The following NYAP2 variants were observed in gnomAD, a reference collection of about 807,000 sequenced individuals.
NYAP2 encodes neuronal tyrosine-phosphorylated phosphoinositide-3-kinase adaptor 2.
NYAP2 carries 23 observed loss-of-function variants against 50.4 expected under a neutral mutation model. That is an observed-to-expected ratio of 0.46 (90% CI 0.33 to 0.65). NYAP2 has a LOEUF of 0.65. Ranked by LOEUF, NYAP2 falls within the 30% of genes least tolerant of loss-of-function variation. NYAP2 has a pLI of 0.02. For synonymous variants in NYAP2, 394 were observed against 365.2 expected, an observed-to-expected ratio of 1.08 and a Z score of -0.90; for missense variants, 885 against 861.0, an observed-to-expected ratio of 1.03 and a Z score of -0.35.
intron 3 of NYAP2, among the ~76,000 whole-genome samples, chr2:225,500,771 G>A (rs1392736961): frequency 6.6e-6 from 1 of 152,102 alleles, no homozygotes; most frequent in Non-Finnish European, 1.5e-5. Flanking sequence ...TCTGCTAGAA[G>A]GTCAATGAAT....
At chr2:225,456,817 G>A (rs907307389) in intron 3 of NYAP2, among the ~76,000 whole-genome samples, 1 of 152,100 alleles carries the variant, frequency 6.6e-6, no homozygotes, top group African/African-American at 2.4e-5. Context: ...TTCCCTATCT[G>A]AGTGCACCTA....
chr2:225,528,738 T>C (rs1371922274), intron 4 of NYAP2, among the ~76,000 whole-genome samples: 1 of 152,176 alleles, frequency 6.6e-6, no homozygotes, highest in Non-Finnish European at 1.5e-5. Context: ...TCCCAGTGCT[T>C]TCACCTGTGA....
chr2:225,425,516 T>A (rs946812308), intron 3 of NYAP2, among the ~76,000 whole-genome samples: 1 of 152,206 alleles, frequency 6.6e-6, no homozygotes, highest in Non-Finnish European at 1.5e-5. Flanking sequence ...GCTAATTTCA[T>A]GCTGCAATTA....
At chr2:225,606,749 C>T (rs1448548515) in intron 5 of NYAP2, among the ~76,000 whole-genome samples, 1 of 152,110 alleles carries the variant, frequency 6.6e-6, no homozygotes, top group Non-Finnish European at 1.5e-5. Flanking sequence ...CTTTAGTAAT[C>T]AGAGATTCAA....
Position 225,512,852 on chromosome 2 carries a change from T to C in NYAP2, c.222-519T>C, listed in dbSNP as rs866748505. ...CTCTCTCTCTCTTTCTTTCTTTCTT[T>C]CTTCCTTCCTTCCTTCCTTCCTTCC... On this transcript the variant is annotated intron_variant, in intron 3 of 6. Transcript: ENST00000636099. 4.7e-3 allele frequency among the ~76,000 whole-genome samples: 582 copies of C among 123,556 alleles called. 5 individuals carry two copies. Among genetic ancestry groups the C allele is most frequent in the South Asian group, 8.6e-3 (31 of 3,618 alleles). 81.1% of individuals were successfully genotyped at this position (123,556 alleles called of 152,430 possible). A position where few individuals can be genotyped will look rare whatever the true frequency, so the allele number is the denominator to read the frequency against.
chr2:225,659,185 G>A, the NYAP2 span, among the ~76,000 whole-genome samples: 8 of 152,148 alleles, frequency 5.3e-5, no homozygotes, highest in Non-Finnish European at 1.0e-4. Context: ...CTCTGCTGTC[G>A]CTGGTACCTG....
intron 3 of NYAP2, among the ~76,000 whole-genome samples, chr2:225,451,975 C>T (rs569698479): frequency 1.3e-5 from 2 of 151,964 alleles, no homozygotes; most frequent in East Asian, 3.9e-4. Flanking sequence ...CGTATATATA[C>T]ACACACACAC....
chr2:225,430,495 G>C (rs191904506), intron 3 of NYAP2, among the ~76,000 whole-genome samples: 206 of 152,296 alleles, frequency 1.4e-3, no homozygotes, highest in African/African-American at 4.7e-3. Context: ...AGCTGCTTCT[G>C]TTATGGTGGA....
chr2:225,630,105 C>T (rs1413926725), intron 6 of NYAP2, among the ~76,000 whole-genome samples: 4 of 152,062 alleles, frequency 2.6e-5, no homozygotes, highest in African/African-American at 9.7e-5. Context: ...GGATAAAATC[C>T]TAAAAGTCTA....
intron 3 of NYAP2, among the ~76,000 whole-genome samples, chr2:225,480,768 C>G (rs1690192504): frequency 6.6e-6 from 1 of 152,058 alleles, no homozygotes; most frequent in Non-Finnish European, 1.5e-5. Context: ...ATACTATGAT[C>G]TGAACAATGA....
At position 225,644,365 on chromosome 2, in the gene NYAP2, C is replaced by T. The variant is rs1158054428; in HGVS notation, c.1829-7067C>T. ...AGCCCTTTGTCAGATGAGTAGGTTG[C>T]GAAAATTTTCTCCCATTTTGTAGGT... On this transcript the variant is annotated intron_variant, in intron 6 of 6. Coordinates refer to ENST00000636099, the Ensembl canonical transcript of NYAP2. 7.3e-5 allele frequency among the ~76,000 whole-genome samples: 11 copies of T among 150,610 alleles called. No homozygotes were observed. In the South Asian group the frequency reaches 8.4e-4, roughly 11 times the overall value.
At chr2:225,467,580 A>T (rs1336267690) in intron 3 of NYAP2, among the ~76,000 whole-genome samples, 1 of 152,200 alleles carries the variant, frequency 6.6e-6, no homozygotes, top group Non-Finnish European at 1.5e-5. Flanking sequence ...TTTTTAAAAA[A>T]TACCTCAGAA....
intron 3 of NYAP2, among the ~76,000 whole-genome samples, chr2:225,489,445 G>A (rs766230354): frequency 1.2e-4 from 18 of 151,904 alleles, no homozygotes; most frequent in African/African-American, 3.6e-4. Flanking sequence ...TGATCCACCC[G>A]CCTTGGCCTC....
chr2:225,516,489 A>G (rs1690937649), intron 4 of NYAP2, among the ~76,000 whole-genome samples: 1 of 152,180 alleles, frequency 6.6e-6, no homozygotes, highest in Admixed American at 6.5e-5. Context: ...CAGTGCAGAA[A>G]TGGTAGACTC....
chr2:225,467,035 G>A (rs1395922143), intron 3 of NYAP2, among the ~76,000 whole-genome samples: 3 of 152,138 alleles, frequency 2.0e-5, no homozygotes, highest in Admixed American at 6.5e-5. Context: ...GGTTTTCTAC[G>A]TTGGCATACT....
At chr2:225,419,566 C>T (rs1424083398) in intron 3 of NYAP2, among the ~76,000 whole-genome samples, 2 of 152,122 alleles carry the variant, frequency 1.3e-5, no homozygotes, top group Non-Finnish European at 2.9e-5. Flanking sequence ...ATCTTAAAGT[C>T]GTCTATTCCT....
intron 3 of NYAP2, among the ~76,000 whole-genome samples, chr2:225,474,718 G>A (rs910927374): frequency 6.6e-6 from 1 of 152,192 alleles, no homozygotes; most frequent in East Asian, 1.9e-4. Context: ...GGGCTGAGAT[G>A]ATGGGGTTTT....
At chr2:225,424,992 A>G (rs1486163790) in intron 3 of NYAP2, among the ~76,000 whole-genome samples, 1 of 152,222 alleles carries the variant, frequency 6.6e-6, no homozygotes, top group Non-Finnish European at 1.5e-5. Context: ...CTAAACTGAC[A>G]CATAATCATT....
At chr2:225,533,209 T>A (rs1368165523) in intron 4 of NYAP2, among the ~76,000 whole-genome samples, 1 of 152,222 alleles carries the variant, frequency 6.6e-6, no homozygotes, top group South Asian at 2.1e-4. Context: ...AAAAGTATGT[T>A]GCTACTGAAT....
Sources: gnomAD v4.1 joint callset for allele counts (sites outside exome capture counted in the v4.1 genomes callset) on GRCh38, gnomAD v4.1.1 for gene constraint, MANE v1.5 for transcripts, NCBI Gene and HGNC (gene_info 2026-07-23, HGNC 2026-07-21) for gene names.